Variants in ADAMTS17 observed in about 807,000 individuals in gnomAD.
The protein encoded by ADAMTS17 is A disintegrin and metalloproteinase with thrombospondin motifs 17.
Under a neutral mutation model 141.5 loss-of-function variants are expected in ADAMTS17, and 113 were observed. That is an observed-to-expected ratio of 0.80 (90% CI 0.69 to 0.93). The LOEUF (loss-of-function observed/expected upper bound fraction) is 0.93. ADAMTS17 is among the 40% of genes least tolerant of loss of function. The pLI is 0.00. For missense variants in ADAMTS17, 1,659 were observed against 1,517.9 expected (o/e 1.09, Z -1.54); for synonymous variants, 768 against 630.6 (o/e 1.22, Z -3.27).
intron 4 of ADAMTS17, among the ~76,000 whole-genome samples, chr15:100,264,602 A>T (rs943964051): frequency 6.6e-6 from 1 of 152,236 alleles, no homozygotes; most frequent in Admixed American, 6.5e-5. Context: ...GACTGCAAGG[A>T]ACAGTGCAAG....
chr15:100,239,986 C>G (rs1596340757), intron 7 of ADAMTS17, among the ~76,000 whole-genome samples: 2 of 152,276 alleles, frequency 1.3e-5, no homozygotes, highest in South Asian at 4.1e-4. Context: ...TCTGTCTCTC[C>G]CCCAGTCACA....
chr15:99,982,148 C>G (rs1342133998), intron 20 of ADAMTS17, among the ~76,000 whole-genome samples: 1 of 152,234 alleles, frequency 6.6e-6, no homozygotes, highest in Non-Finnish European at 1.5e-5. Flanking sequence ...AGGAGCCTAG[C>G]CGGGGGTCTC....
chr15:100,278,678 C>T (rs978026975), intron 4 of ADAMTS17, among the ~76,000 whole-genome samples: 5 of 152,176 alleles, frequency 3.3e-5, no homozygotes, highest in African/African-American at 1.2e-4. Flanking sequence ...GTCCCGAAAG[C>T]CAGTCCTGGA....
At chr15:100,084,384 C>T (rs573310269) in intron 15 of ADAMTS17, among the ~76,000 whole-genome samples, 2 of 152,328 alleles carry the variant, frequency 1.3e-5, no homozygotes, top group South Asian at 2.1e-4. Context: ...CTCAAGGAGG[C>T]TTGCCTGCCT....
intron 15 of ADAMTS17, among the ~76,000 whole-genome samples, chr15:100,089,527 G>A (rs567349669): frequency 6.6e-6 from 1 of 151,512 alleles, no homozygotes; most frequent in East Asian, 2.0e-4. Flanking sequence ...AAAGACACAT[G>A]CACACATATG....
At chr15:100,153,795 T>G (rs1323303098) in intron 9 of ADAMTS17, among the ~76,000 whole-genome samples, 1 of 151,866 alleles carries the variant, frequency 6.6e-6, no homozygotes, top group Non-Finnish European at 1.5e-5. Context: ...AAGGAAAGAG[T>G]TGCATGAACA....
chr15:100,152,769 C>T lies in ADAMTS17; in HGVS notation c.1323-7G>A. On this transcript the variant is annotated splice_polypyrimidine_tract_variant and splice_region_variant and intron_variant, in intron 9 of 21. Transcript: ENST00000268070. ...GCAGGTGCTGACTTTTGACCTGAAACAGCCGAGAGGCAAGTTGACTTGCAA... is the reference window on the plus strand; with the variant it reads ...GCAGGTGCTGACTTTTGACCTGAAATAGCCGAGAGGCAAGTTGACTTGCAA... 6.2e-7 allele frequency: 1 copy of T among 1,614,122 alleles called. No homozygotes were observed. Among genetic ancestry groups the T allele is most frequent in the Non-Finnish European group, 8.5e-7 (1 of 1,180,032 alleles).
intron 7 of ADAMTS17, among the ~76,000 whole-genome samples, chr15:100,204,036 T>C (rs1192786100): frequency 6.6e-6 from 1 of 152,208 alleles, no homozygotes; most frequent in East Asian, 1.9e-4. Context: ...AGGTGCTCAT[T>C]TGTCTTCTTT....
chr15:100,123,123 A>T lies in ADAMTS17; in HGVS notation c.1722-6110T>A, dbSNP rs186439169. Among the ~76,000 whole-genome samples, 388 of 152,238 alleles carry T rather than the reference A, an allele frequency of 2.5e-3. 2 individuals carry two copies. Among genetic ancestry groups the T allele is most frequent in the African/African-American group, 8.8e-3 (364 of 41,526 alleles). On this transcript the variant is annotated intron_variant, in intron 12 of 21. Coordinates refer to ENST00000268070, the MANE Select transcript of ADAMTS17 (RefSeq NM_139057.4). ...ACTGGGCTGGGTGGATGAAGCCTGAACTGTGTGGACACGGGGCTTCAGGAG... is the reference window on the plus strand; with the variant it reads ...ACTGGGCTGGGTGGATGAAGCCTGATCTGTGTGGACACGGGGCTTCAGGAG...
intron 20 of ADAMTS17, among the ~76,000 whole-genome samples, chr15:99,991,221 A>T (rs1438312424): frequency 1.3e-5 from 2 of 152,246 alleles, no homozygotes; most frequent in Non-Finnish European, 2.9e-5. Context: ...AACTAGCATC[A>T]GAGTGAACAG....
intron 20 of ADAMTS17, among the ~76,000 whole-genome samples, chr15:99,983,709 C>G (rs1252721055): frequency 2.0e-5 from 3 of 152,114 alleles, no homozygotes; most frequent in Admixed American, 6.5e-5. Flanking sequence ...GAGCACAAGC[C>G]CAAGATGGGG....
chr15:100,173,071 G>T (rs780294813), intron 8 of ADAMTS17, among the ~76,000 whole-genome samples: 15 of 152,136 alleles, frequency 9.9e-5, no homozygotes, highest in Admixed American at 2.0e-4. Context: ...GATGGATGAG[G>T]ATTTTCACAC....
chr15:100,165,144 G>C (rs1441571243), intron 8 of ADAMTS17, among the ~76,000 whole-genome samples: 3 of 152,274 alleles, frequency 2.0e-5, no homozygotes, highest in South Asian at 2.1e-4. Context: ...GTGAAATGCT[G>C]TTTTCTGGTC....
At chr15:100,012,927 T>C (rs1384512065) in intron 18 of ADAMTS17, among the ~76,000 whole-genome samples, 1 of 152,190 alleles carries the variant, frequency 6.6e-6, no homozygotes, top group Non-Finnish European at 1.5e-5. Flanking sequence ...TGAAGAATGA[T>C]AGCAGTATTT....
chr15:100,205,908 G>A (rs8033328), intron 7 of ADAMTS17, among the ~76,000 whole-genome samples: 134,298 of 152,180 alleles, frequency 0.88, 61,668 homozygotes, highest in East Asian at 1. Flanking sequence ...GCCAGGGACC[G>A]AGCCCAGGTC....
intron 7 of ADAMTS17, among the ~76,000 whole-genome samples, chr15:100,247,904 C>T (rs535980344): frequency 3.9e-5 from 6 of 152,252 alleles, no homozygotes; most frequent in African/African-American, 1.4e-4. Context: ...CTTCCTCCAC[C>T]CACACGCTCT....
At chr15:100,019,898 C>G (rs144311492) in intron 18 of ADAMTS17, among the ~76,000 whole-genome samples, 2 of 152,122 alleles carry the variant, frequency 1.3e-5, no homozygotes. Flanking sequence ...GGCCTGCACA[C>G]GGGTCCTTGT....
In ADAMTS17 at chr15:100,122,688, A is replaced by G. The variant is rs774948093; in HGVS notation, c.1722-5675T>C. On this transcript the variant is annotated intron_variant, in intron 12 of 21. Transcript: ENST00000268070. ...TATATGTGTTTTATACTATATTCTT[A>G]TAGTAAAGTCAGCTAGAGAAAAGGT... 1.1e-4 allele frequency among the ~76,000 whole-genome samples: 17 copies of G among 152,212 alleles called. 1 individual carries two copies. The highest frequency in any genetic ancestry group is 6.2e-4 in the South Asian group (3 of 4,822).
chr15:100,242,260 C>T (rs573909217), intron 7 of ADAMTS17, among the ~76,000 whole-genome samples: 5 of 152,262 alleles, frequency 3.3e-5, no homozygotes, highest in African/African-American at 9.6e-5. Context: ...GTCCAGCGGC[C>T]GAGCAGTCAC....
Sources: allele counts gnomAD v4.1 joint callset (sites outside exome capture counted in the v4.1 genomes callset), GRCh38; gene constraint gnomAD v4.1.1; transcripts MANE v1.5; gene names NCBI Gene and HGNC (gene_info 2026-07-23, HGNC 2026-07-21).